MAZ: variants seen among roughly 807,000 people sequenced by gnomAD.
The protein encoded by MAZ is myc-associated zinc finger protein.
In MAZ, 4 loss-of-function variants were observed where a neutral mutation model predicts 32.7. The observed-to-expected ratio is 0.12, with a 90% CI of 0.06 to 0.28. The LOEUF (loss-of-function observed/expected upper bound fraction) is 0.28. Among genes scored for constraint, MAZ ranks in the 10% least tolerant of loss-of-function variants. MAZ has a pLI of 1.00. For synonymous variants in MAZ, 510 were observed against 297.6 expected, an observed-to-expected ratio of 1.71 and a Z score of -7.35; for missense variants, 763 against 667.2, an observed-to-expected ratio of 1.14 and a Z score of -1.58.
chr16:29,807,512 G>A lies in MAZ; in HGVS notation c.727G>A (p.Gly243Arg), dbSNP rs1427181151. The stretch of plus-strand genomic sequence containing the variant: ...CCTCCTGAGCGTGCCCCAGCTGAGC[G>A]GAGCCGGCGGGGGAGGGGGAGAGGC... Reference protein sequence around the residue: ...LSLLSVPQLSGAGGGGGEAGA... With the variant: ...LSLLSVPQLSRAGGGGGEAGA... Residue 243 changes from glycine to arginine, a missense_variant, in exon 2 of 5, where the codon GGA (glycine) becomes AGA (arginine). Transcript: ENST00000322945. The A allele has an allele frequency of 1.9e-6, 3 of 1,610,390 alleles. No homozygotes were observed. Among genetic ancestry groups the A allele is most frequent in the Admixed American group, 1.7e-5 (1 of 59,870 alleles).
Position 29,807,727 on chromosome 16 carries a change from G to A in MAZ, c.942G>A (p.Gln314=). 1.2e-6 allele frequency: 2 copies of A among 1,612,904 alleles called. No individual in the cohort carries two copies. The highest frequency in any genetic ancestry group is 1.1e-5 in the South Asian group (1 of 91,092). ...EKPYQCPVCQ[Q]RFKRKDRMSY... is the part of the protein sequence containing the mutation. ...CCTACCAGTGCCCGGTGTGCCAGCA[G>A]CGCTTCAAGCGCAAGGACCGCATGA... The change falls in exon 2 of 5, where the codon CAG becomes CAA. Residue 314 remains glutamine, a synonymous_variant. Coordinates refer to ENST00000322945, the MANE Select transcript of MAZ (RefSeq NM_002383.4).
Position 29,807,129 on chromosome 16 carries a change from C to A in MAZ, c.344C>A (p.Ala115Asp). 9.7e-7 allele frequency: 1 copy of A among 1,031,712 alleles called. No individual in the cohort carries two copies. Among genetic ancestry groups the A allele is most frequent in the Non-Finnish European group, 1.2e-6 (1 of 840,126 alleles). The allele number at this position is 1,031,712 out of a possible 1,614,324, so 63.9% of individuals were successfully genotyped here. A position where few individuals can be genotyped will look rare whatever the true frequency, so the allele number is the denominator to read the frequency against. ...AAAAVAAAPPAPAAASTVDTA... is the reference protein window; with the variant it reads ...AAAAVAAAPPDPAAASTVDTA... ...GCCGCCGTCGCTGCCGCGCCCCCGG[C>A]CCCTGCCGCCGCCTCTACGGTGGAC... is the stretch of plus-strand genomic sequence containing the variant. The change falls in exon 2 of 5, where the codon GCC (alanine) becomes GAC (aspartate). Residue 115 changes from alanine to aspartate, a missense_variant. Physicochemically the swap from Ala to Asp is moderately radical, Grantham distance 126. Transcript: ENST00000322945.
rs372436352 is a variant in MAZ, at chr16:29,807,661, C to T, written c.876C>T (p.Tyr292=). 3.7e-5 allele frequency: 59 copies of T among 1,612,902 alleles called. No homozygotes were observed. Among genetic ancestry groups the T allele is most frequent in the Non-Finnish European group, 4.3e-5 (51 of 1,179,960 alleles). ...EMCGKAFRDV[Y]HLNRHKLSHS... ...GTGGCAAGGCCTTCCGCGACGTCTA[C>T]CACCTGAACCGACACAAGCTGTCGC... The change falls in exon 2 of 5, where the codon TAC becomes TAT. Residue 292 remains tyrosine, a synonymous_variant. Coordinates refer to ENST00000322945, the MANE Select transcript of MAZ (RefSeq NM_002383.4).
rs1446810251 is a variant in MAZ at position 29,806,734 on chromosome 16, C to G, written c.33C>G (p.Ala11=). ...CGGTGTTTCCTTGCACGCTGCTGGC[C>G]CCCCCCTTCCCCGTGCTGGGCCTGG... is the stretch of plus-strand genomic sequence containing the variant. The part of the protein sequence containing the change: MFPVFPCTLL[A]PPFPVLGLDS... Residue 11 remains alanine (A), a synonymous_variant, in exon 1 of 5, where the codon GCC becomes GCG. Transcript: ENST00000322945. 16 of 1,388,318 alleles carry G rather than the reference C, an allele frequency of 1.2e-5. No homozygotes were observed. The highest frequency in any genetic ancestry group is 1.4e-5 in the Non-Finnish European group (15 of 1,053,402). The allele number at this position is 1,388,318 out of a possible 1,614,324, so 86.0% of individuals were successfully genotyped here.
At chr16:29,806,955 C>T (rs1899514214) in intron 1 of MAZ, 23 bp from the exon 2 acceptor site, 1 of 1,101,752 alleles carries the variant, frequency 9.1e-7, no homozygotes, top group Non-Finnish European at 1.1e-6. Context: ...ACCCGCGGCC[C>T]ACTCGGCGCC....
intron 2 of MAZ, 89 bp downstream of exon 2, chr16:29,807,917 C>CT: frequency 6.5e-7 from 1 of 1,535,592 alleles, no homozygotes; most frequent in East Asian, 2.3e-5. Flanking sequence ...GGGAGGGAGG[C>CT]GGCTGCTGAG....
intron 2 of MAZ, 198 bp from the exon 3 acceptor site, chr16:29,808,032 G>T (rs763238891): frequency 3.7e-5 from 42 of 1,128,368 alleles, no homozygotes; most frequent in Non-Finnish European, 5.0e-5. Context: ...TGGGGTTGAC[G>T]GAAGCTTCGC....
rs532367221 is a variant in MAZ, at chr16:29,811,024, C to G, written c.*793C>G. On this transcript the variant is annotated 3_prime_UTR_variant, in exon 5 of 5. Coordinates refer to ENST00000322945, the MANE Select transcript of MAZ (RefSeq NM_002383.4). The stretch of plus-strand genomic sequence containing the variant: ...ACCCCAGCTCCAGCCCTGGTCTTGT[C>G]TTTTCATCCCTCTTCCCCACGACAG... 6.6e-6 allele frequency: 3 copies of G among 454,212 alleles called. No individual in the cohort carries two copies. The highest frequency in any genetic ancestry group is 2.4e-5 in the Admixed American group (1 of 42,414). The allele number at this position is 454,212 out of a possible 1,614,324, so 28.1% of individuals were successfully genotyped here.
At chr16:29,809,112 C>A in intron 4 of MAZ, 1 of 514,806 alleles carries the variant, frequency 1.9e-6, no homozygotes, top group South Asian at 2.9e-5. Context: ...AGTACACGGG[C>A]CGGGCTTTAC....
chr16:29,806,953 C>T lies in MAZ; in HGVS notation c.193-25C>T, dbSNP rs769621729. 6.1e-5 allele frequency: 68 copies of T among 1,115,288 alleles called. 2 individuals are homozygous for T. The East Asian group carries it at 6.3e-4, about 10-fold the overall frequency. The allele number at this position is 1,115,288 out of a possible 1,614,324, so 69.1% of individuals were successfully genotyped here. A position where few individuals can be genotyped will look rare whatever the true frequency, so the allele number is the denominator to read the frequency against. On this transcript the variant is annotated intron_variant, in intron 1 of 4. Transcript: ENST00000322945. ...GGGGGACGCCCGCCCGCACCCGCGG[C>T]CCACTCGGCGCCTTGTCTCCGCAGG...
At position 29,808,746 on chromosome 16, in the gene MAZ, A is replaced by G. The variant is rs371840407; in HGVS notation, c.1279+5A>G. Reference sequence around the variant, plus strand: ...TCTGTGAGCTCTGCAACAAAGGTACATGCCGAGGGCTGCCGGGAGGGCCAG... The same window carrying G: ...TCTGTGAGCTCTGCAACAAAGGTACGTGCCGAGGGCTGCCGGGAGGGCCAG... On this transcript the variant is annotated splice_donor_5th_base_variant and intron_variant, in intron 4 of 4. Coordinates refer to ENST00000322945, the MANE Select transcript of MAZ (RefSeq NM_002383.4). The G allele has an allele frequency of 1.9e-6, 3 of 1,613,094 alleles. No homozygotes were observed. The African/African-American group carries it at 4.0e-5, about 22-fold the overall frequency.
chr16:29,806,138 C>A, upstream of MAZ: 1 of 1,305,886 alleles, frequency 7.7e-7, no homozygotes, highest in Non-Finnish European at 1.0e-6. Context: ...CCCTCCCTCC[C>A]TCCGCCATGG....
At chr16:29,808,419 C>T (rs540067493) in intron 3 of MAZ, 126 bp downstream of exon 3, 9 of 1,078,962 alleles carry the variant, frequency 8.3e-6, no homozygotes, top group Admixed American at 5.9e-5. Flanking sequence ...ATTTTCTCAT[C>T]CCTTCTTCAA....
rs1311129114 is a variant in MAZ, at chr16:29,808,587, C to T, written c.1125C>T (p.Phe375=). ...PFKCEKCEAA[F]ATKDRLRAHT... ...CTCCTCAGAAATGTGAGGCAGCTTT[C>T]GCCACGAAGGATCGGCTGCGGGCGC... Residue 375 remains phenylalanine, a synonymous_variant, in exon 4 of 5, where the codon TTC becomes TTT. Transcript: ENST00000322945. 3.7e-6 allele frequency: 6 copies of T among 1,609,168 alleles called. No homozygotes were observed. The highest frequency in any genetic ancestry group is 2.2e-5 in the East Asian group (1 of 44,638).
rs752095106 is a variant in MAZ, at chr16:29,810,191, T to C, written c.1394T>C (p.Val465Ala). 2 of 1,603,758 alleles carry C rather than the reference T, an allele frequency of 1.2e-6. No individual in the cohort carries two copies. Among genetic ancestry groups the C allele is most frequent in the Admixed American group, 3.4e-5 (2 of 58,012 alleles). The change falls in exon 5 of 5, where the codon GTG (valine) becomes GCG (alanine). Residue 465 changes from valine (V) to alanine (A), a missense_variant. By Grantham distance (64) the Val-to-Ala change is moderately conservative. Transcript: ENST00000322945. ...AVGSLSGAEG[V>A]PVSSQPLPSQ... ...GGCTCCCTCTCGGGGGCGGAGGGGG[T>C]GCCTGTGAGCTCTCAGCCACTTCCC...
chr16:29,807,837 G>C lies in MAZ; in HGVS notation c.1043+9G>C. The C allele has an allele frequency of 6.2e-7, 1 of 1,600,496 alleles. No individual in the cohort carries two copies. The highest frequency in any genetic ancestry group is 8.5e-7 in the Non-Finnish European group (1 of 1,177,116). On this transcript the variant is annotated intron_variant, in intron 2 of 4. Coordinates refer to ENST00000322945, the MANE Select transcript of MAZ (RefSeq NM_002383.4). Reference sequence around the variant, plus strand: ...GGCAAGAGCTTCTCCCGGTGTGCACGGGGCCTCGGCCGCCCGCTAGGCCGT... The same window carrying C: ...GGCAAGAGCTTCTCCCGGTGTGCACCGGGCCTCGGCCGCCCGCTAGGCCGT...
At position 29,806,747 on chromosome 16, in the gene MAZ, G is replaced by C. The variant is rs777189616; in HGVS notation, c.46G>C (p.Val16Leu). ...CACGCTGCTGGCCCCCCCCTTCCCCGTGCTGGGCCTGGACTCCCGGGGGGT... is the reference window on the plus strand; with the variant it reads ...CACGCTGCTGGCCCCCCCCTTCCCCCTGCTGGGCCTGGACTCCCGGGGGGT... ...PCTLLAPPFP[V>L]LGLDSRGVGG... Residue 16 changes from valine to leucine, a missense_variant, in exon 1 of 5, where the codon GTG (valine) becomes CTG (leucine). Val to Leu is a conservative substitution (Grantham distance 32). Coordinates refer to ENST00000322945, the MANE Select transcript of MAZ (RefSeq NM_002383.4). The C allele has an allele frequency of 2.1e-6, 3 of 1,407,926 alleles. No homozygotes were observed. The highest frequency in any genetic ancestry group is 2.8e-6 in the Non-Finnish European group (3 of 1,066,972). The allele number at this position is 1,407,926 out of a possible 1,614,324, so 87.2% of individuals were successfully genotyped here. A position where few individuals can be genotyped will look rare whatever the true frequency, so the allele number is the denominator to read the frequency against.
rs771920237 is a variant in MAZ, at chr16:29,807,361, C to T, written c.576C>T (p.Cys192=). 1.4e-5 allele frequency: 22 copies of T among 1,612,156 alleles called. No individual in the cohort carries two copies. The highest frequency in any genetic ancestry group is 1.4e-5 in the Non-Finnish European group (17 of 1,179,682). Residue 192 remains cysteine (C), a synonymous_variant, in exon 2 of 5, where the codon TGC becomes TGT. Coordinates refer to ENST00000322945, the MANE Select transcript of MAZ (RefSeq NM_002383.4). ...CAAAGAGCAAGGGGCCCTACATCTG[C>T]GCTCTGTGCGCCAAGGAGTTCAAGA... is the stretch of plus-strand genomic sequence containing the variant. The part of the protein sequence containing the change: ...KKTKSKGPYI[C]ALCAKEFKNG...
In MAZ at chr16:29,806,621, G is replaced by A. The variant is rs1899467943; in HGVS notation, c.-81G>A. ...CGCGGCCCAGCCCGGCCGGCCGGGG[G>A]CGGCGCCCCGAGCCCGGGCCCCGCG... On this transcript the variant is annotated 5_prime_UTR_variant, in exon 1 of 5. Coordinates refer to ENST00000322945, the MANE Select transcript of MAZ (RefSeq NM_002383.4). 4 of 964,844 alleles carry A rather than the reference G, an allele frequency of 4.1e-6. No individual in the cohort carries two copies. The highest frequency in any genetic ancestry group is 4.9e-6 in the Non-Finnish European group (4 of 817,082). 59.8% of individuals were successfully genotyped at this position (964,844 alleles called of 1,614,324 possible). A position where few individuals can be genotyped will look rare whatever the true frequency, so the allele number is the denominator to read the frequency against.
Sources: allele counts gnomAD v4.1 joint callset, GRCh38; gene constraint gnomAD v4.1.1; transcripts MANE v1.5; gene names NCBI Gene and HGNC (gene_info 2026-07-23, HGNC 2026-07-21).